PECR: variants seen among roughly 807,000 people sequenced by gnomAD.
PECR encodes 2,4-dienoyl-CoA reductase-related protein.
PECR carries 30 observed loss-of-function variants against 35.3 expected under a neutral mutation model. That is an observed-to-expected ratio of 0.85 (90% CI 0.64 to 1.15). The LOEUF is 1.15. Ranked by LOEUF, PECR falls within the 50% of genes most tolerant of loss-of-function variation. The pLI, the probability that PECR is intolerant of heterozygous loss-of-function variation, is 0.00. For synonymous variants in PECR, 148 were observed against 138.9 expected, an observed-to-expected ratio of 1.07 and a Z score of -0.46; for missense variants, 392 against 370.8, an observed-to-expected ratio of 1.06 and a Z score of -0.47.
intron 6 of PECR, among the ~76,000 whole-genome samples, chr2:216,046,786 A>AACTAGTTT (rs2105946916): frequency 6.6e-6 from 1 of 152,300 alleles, no homozygotes; most frequent in Admixed American, 6.5e-5. Context: ...TTGGTTCAGG[A>AACTAGTTT]ACTCTGTTTC....
downstream of PECR, among the ~76,000 whole-genome samples, chr2:216,037,366 C>T (rs941668022): frequency 1.3e-5 from 2 of 152,178 alleles, no homozygotes; most frequent in Middle Eastern, 3.2e-3. Context: ...ACTGGCAACG[C>T]TATGGAGATT....
intron 6 of PECR, among the ~76,000 whole-genome samples, chr2:216,044,526 G>A (rs908633166): frequency 6.6e-6 from 1 of 152,138 alleles, no homozygotes; most frequent in African/African-American, 2.4e-5. Context: ...ATTCAAAGGA[G>A]CTCTCTACAA....
intron 6 of PECR, among the ~76,000 whole-genome samples, chr2:216,048,439 G>A (rs1376879055): frequency 6.6e-6 from 1 of 151,614 alleles, no homozygotes; most frequent in Non-Finnish European, 1.5e-5. Context: ...GCTAGGTGTG[G>A]CGGCTCACAC....
chr2:216,067,597 G>A (rs1472361638), intron 1 of PECR, among the ~76,000 whole-genome samples: 5 of 149,034 alleles, frequency 3.4e-5, no homozygotes, highest in African/African-American at 5.0e-5. Context: ...TCACTCTGTC[G>A]CCAGACTGGG....
In PECR at chr2:216,061,575, A is replaced by G. The variant is rs924678591; in HGVS notation, c.425-2599T>C. 2.0e-5 allele frequency among the ~76,000 whole-genome samples: 3 copies of G among 152,256 alleles called. No individual in the cohort carries two copies. The South Asian group carries it at 6.2e-4, about 32-fold the overall frequency. On this transcript the variant is annotated intron_variant, in intron 3 of 7. Coordinates refer to ENST00000265322, the MANE Select transcript of PECR (RefSeq NM_018441.6). ...GCAGTAAGAAGTATATATACCATAT[A>G]TGAAGGGGTCTTGCCAGAAATATTT...
intron 4 of PECR, 39 bp from the exon 5 acceptor site, chr2:216,051,584 G>T: frequency 1.6e-6 from 2 of 1,216,652 alleles, no homozygotes; most frequent in Non-Finnish European, 2.4e-6. Context: ...ATCAGCTTCT[G>T]TTGAATATTT....
intron 1 of PECR, 137 bp from the exon 2 acceptor site, chr2:216,066,655 T>C (rs1695472270): frequency 1.3e-6 from 1 of 780,620 alleles, no homozygotes; most frequent in South Asian, 1.4e-5. Context: ...AATAATAATA[T>C]TGAAAAAATA....
At chr2:216,044,570 C>T (rs759163545) in intron 6 of PECR, among the ~76,000 whole-genome samples, 18 of 152,240 alleles carry the variant, frequency 1.2e-4, no homozygotes, top group South Asian at 2.1e-4. Context: ...GGCACAGTGG[C>T]GGGCACCTGT....
intron 1 of PECR, among the ~76,000 whole-genome samples, chr2:216,077,871 A>T (rs1490653838): frequency 1.3e-5 from 2 of 151,942 alleles, no homozygotes; most frequent in African/African-American, 4.8e-5. Context: ...AGTTTGTAAG[A>T]TTTTTAGCCA....
intron 7 of PECR, among the ~76,000 whole-genome samples, chr2:216,030,550 A>ATT (rs538194722): frequency 5.4e-5 from 8 of 148,136 alleles, no homozygotes; most frequent in African/African-American, 2.0e-4. Context: ...ATATTTTGCA[A>ATT]TTTTTTTTTT....
rs1443360205 is a variant in PECR at position 216,043,037 on chromosome 2, G to GTA, written c.826+866_826+867insTA. Among the ~76,000 whole-genome samples the GTA allele has an allele frequency of 1.2e-4, 4 of 32,160 alleles. No individual in the cohort carries two copies. The East Asian group carries it at 6.2e-3, about 50-fold the overall frequency. 21.1% of individuals were successfully genotyped at this position (32,160 alleles called of 152,430 possible). On this transcript the variant is annotated intron_variant, in intron 7 of 7. Transcript: ENST00000265322. ...TATATACACATACGTATATATGTATGTGTATATATATATACACATACGTAT... is the reference window on the plus strand; with the variant it reads ...TATATACACATACGTATATATGTATGTATGTATATATATATACACATACGTAT...
At chr2:216,072,464 A>G (rs1382357358) in intron 1 of PECR, among the ~76,000 whole-genome samples, 2 of 152,094 alleles carry the variant, frequency 1.3e-5, no homozygotes, top group Non-Finnish European at 2.9e-5. Flanking sequence ...TGTATCCATC[A>G]CCTGAATAGT....
At chr2:216,044,896 A>C (rs1266541740) in intron 6 of PECR, among the ~76,000 whole-genome samples, 2 of 152,122 alleles carry the variant, frequency 1.3e-5, no homozygotes, top group African/African-American at 2.4e-5. Flanking sequence ...GATCCAAAAC[A>C]CCTGCATTAG....
At position 216,049,262 on chromosome 2, in the gene PECR, C is replaced by A. The variant is rs1695056765; in HGVS notation, c.714+1G>T. ...TAATCAATGCTGGAAATATACCTTA[C>A]CTCCTCAGGAACACCAATTCGTTTA... On this transcript the variant is annotated splice_donor_variant, in intron 6 of 7. Coordinates refer to ENST00000265322, the MANE Select transcript of PECR (RefSeq NM_018441.6). LOFTEE classifies it high-confidence loss of function. 7.1e-7 allele frequency: 1 copy of A among 1,408,098 alleles called. No individual in the cohort carries two copies. The highest frequency in any genetic ancestry group is 1.0e-6 in the Non-Finnish European group (1 of 991,848). The allele number at this position is 1,408,098 out of a possible 1,614,324, so 87.2% of individuals were successfully genotyped here.
chr2:216,065,257 A>C, intron 3 of PECR, 55 bp downstream of exon 3: 1 of 1,210,808 alleles, frequency 8.3e-7, no homozygotes, highest in Non-Finnish European at 1.2e-6. Context: ...CCTAATAGGA[A>C]TCCTGAGATC....
chr2:216,058,689 G>A (rs576605714), intron 4 of PECR, among the ~76,000 whole-genome samples: 1 of 151,498 alleles, frequency 6.6e-6, no homozygotes, highest in Admixed American at 6.6e-5. Flanking sequence ...CCTTTCCTTG[G>A]TAAATCTGGC....
chr2:216,042,943 G>A (rs1252207256), intron 7 of PECR, among the ~76,000 whole-genome samples: 7 of 135,336 alleles, frequency 5.2e-5, no homozygotes, highest in African/African-American at 1.4e-4. Context: ...ATATACATAC[G>A]TATATGTGTA....
At chr2:216,065,698 G>C (rs1417384676) in intron 2 of PECR, among the ~76,000 whole-genome samples, 1 of 152,196 alleles carries the variant, frequency 6.6e-6, no homozygotes, top group East Asian at 1.9e-4. Context: ...AGCTAAAACT[G>C]TAATTTTGAC....
chr2:216,042,474 T>C (rs1454128083), intron 7 of PECR, among the ~76,000 whole-genome samples: 1 of 152,224 alleles, frequency 6.6e-6, no homozygotes, highest in Admixed American at 6.5e-5. Context: ...ACATCAACCA[T>C]CTATTAATTT....
Sources: allele counts gnomAD v4.1 joint callset (sites outside exome capture counted in the v4.1 genomes callset), GRCh38; gene constraint gnomAD v4.1.1; transcripts MANE v1.5; gene names NCBI Gene and HGNC (gene_info 2026-07-23, HGNC 2026-07-21).